The following FAR2 variants were observed in gnomAD, a reference collection of about 807,000 sequenced individuals.
FAR2 encodes fatty acyl-CoA reductase 2, also known as epididymis secretory protein Li 81.
In FAR2, 19 loss-of-function variants were observed where a neutral mutation model predicts 56.0. The observed-to-expected ratio is 0.34, with a 90% CI of 0.24 to 0.50. The LOEUF (loss-of-function observed/expected upper bound fraction) is 0.50, where lower values mean the gene tolerates loss of function less well. Ranked by LOEUF, FAR2 falls within the 20% of genes least tolerant of loss-of-function variation. FAR2 has a pLI of 0.98. For missense variants in FAR2, 508 were observed against 642.2 expected (o/e 0.79, Z 2.26); for synonymous variants, 219 against 218.8 (o/e 1.00, Z -0.01).
At chr12:29,269,038 C>A (rs1464573901) in intron 1 of FAR2, among the ~76,000 whole-genome samples, 1 of 152,140 alleles carries the variant, frequency 6.6e-6, no homozygotes, top group Admixed American at 6.5e-5. Flanking sequence ...AAGTTTCGGG[C>A]ACCATTGTCA....
At chr12:29,213,166 A>G (rs1947572933) in intron 1 of FAR2, among the ~76,000 whole-genome samples, 1 of 151,876 alleles carries the variant, frequency 6.6e-6, no homozygotes, top group Admixed American at 6.6e-5. Flanking sequence ...GCGTCTCACC[A>G]TTTCCTCCTT....
At chr12:29,332,568 T>C (rs1313735238) in intron 10 of FAR2, 32 bp from the exon 11 acceptor site, 29 of 1,612,590 alleles carry the variant, frequency 1.8e-5, no homozygotes, top group Non-Finnish European at 2.5e-5. Flanking sequence ...GCACTGCAAT[T>C]CTGGCAATCT....
At chr12:29,225,454 A>G (rs1334940558) in intron 1 of FAR2, among the ~76,000 whole-genome samples, 1 of 152,128 alleles carries the variant, frequency 6.6e-6, no homozygotes, top group Non-Finnish European at 1.5e-5. Flanking sequence ...CTATTACTAT[A>G]TTATTATTGT....
At chr12:29,192,793 A>G (rs894216680) in intron 1 of FAR2, among the ~76,000 whole-genome samples, 1 of 152,224 alleles carries the variant, frequency 6.6e-6, no homozygotes, top group Admixed American at 6.5e-5. Context: ...TTAATTGAGC[A>G]TCAGCTTTTA....
rs2136783067 is a variant in FAR2, at chr12:29,307,898, C to T, written c.723+63C>T. On this transcript the variant is annotated intron_variant, in intron 5 of 11. Coordinates refer to ENST00000536681, the MANE Select transcript of FAR2 (RefSeq NM_001271783.2). ...AACTAAGGTTCTTCTAGTCCAATTACTTTCTGATGTCTTTCTTCTTCTCCT... is the reference window on the plus strand; with the variant it reads ...AACTAAGGTTCTTCTAGTCCAATTATTTTCTGATGTCTTTCTTCTTCTCCT... The T allele has an allele frequency of 4.0e-6, 6 of 1,486,380 alleles. No homozygotes were observed. In the South Asian group the frequency reaches 5.2e-5, roughly 13 times the overall value. 92.1% of individuals were successfully genotyped at this position (1,486,380 alleles called of 1,614,324 possible). A position where few individuals can be genotyped will look rare whatever the true frequency, so the allele number is the denominator to read the frequency against.
At chr12:29,324,884 A>G (rs886750781) in intron 10 of FAR2, among the ~76,000 whole-genome samples, 4 of 152,234 alleles carry the variant, frequency 2.6e-5, no homozygotes, top group African/African-American at 7.2e-5. Flanking sequence ...GACAGGCTCA[A>G]ATTCACACAT....
chr12:29,276,397 C>T (rs1259441068), intron 2 of FAR2, among the ~76,000 whole-genome samples: 3 of 152,104 alleles, frequency 2.0e-5, no homozygotes, highest in African/African-American at 7.2e-5. Context: ...CGGTAGATCA[C>T]AAACCATGTC....
intron 1 of FAR2, among the ~76,000 whole-genome samples, chr12:29,260,668 A>G (rs868592830): frequency 6.6e-6 from 1 of 152,134 alleles, no homozygotes; most frequent in African/African-American, 2.4e-5. Flanking sequence ...AGCTCAGCCA[A>G]TGTAGAAAAG....
chr12:29,268,328 C>G (rs1026735749), intron 1 of FAR2, among the ~76,000 whole-genome samples: 6 of 152,228 alleles, frequency 3.9e-5, no homozygotes, highest in Non-Finnish European at 5.9e-5. Flanking sequence ...ATCTTCCCCA[C>G]ACCTCCAGCA....
chr12:29,252,368 C>T (rs557456579), intron 1 of FAR2, among the ~76,000 whole-genome samples: 2 of 152,218 alleles, frequency 1.3e-5, no homozygotes, highest in Admixed American at 1.3e-4. Flanking sequence ...ACCTGGAGTG[C>T]TTACTGAAGG....
chr12:29,171,238 G>A (rs1416085374), intron 1 of FAR2: 4 of 152,900 alleles, frequency 2.6e-5, no homozygotes, highest in Non-Finnish European at 5.9e-5. Flanking sequence ...CCTCAGTCCT[G>A]TTGTTGGATC....
intron 1 of FAR2, among the ~76,000 whole-genome samples, chr12:29,239,452 CTGTGTGTGTGTG>C (rs34821915): frequency 3.4e-5 from 5 of 147,834 alleles, no homozygotes; most frequent in Admixed American, 6.8e-5. Flanking sequence ...AATGAATCAA[CTGTGTGTGTGTG>C]TGTGTGTGTG....
At chr12:29,210,439 G>A (rs937832944) in intron 1 of FAR2, among the ~76,000 whole-genome samples, 2 of 152,114 alleles carry the variant, frequency 1.3e-5, no homozygotes, top group Non-Finnish European at 2.9e-5. Flanking sequence ...GGTGCATGTC[G>A]TCAGGAAGAG....
intron 10 of FAR2, among the ~76,000 whole-genome samples, chr12:29,330,224 T>G (rs1010618430): frequency 2.6e-5 from 4 of 152,184 alleles, no homozygotes; most frequent in Non-Finnish European, 5.9e-5. Context: ...GCCTGGCTAA[T>G]TTTTGTATTT....
chr12:29,331,030 T>G (rs16934135), intron 10 of FAR2, among the ~76,000 whole-genome samples: 45,679 of 152,002 alleles, frequency 0.3, 6,984 homozygotes, highest in East Asian at 0.35. Context: ...ATTTATTGAA[T>G]GTCTACTTTG....
At chr12:29,318,239 C>T (rs1949488582) in intron 9 of FAR2, among the ~76,000 whole-genome samples, 1 of 152,090 alleles carries the variant, frequency 6.6e-6, no homozygotes, top group African/African-American at 2.4e-5. Flanking sequence ...TTTTAAAGAC[C>T]TCATTTGGAG....
At chr12:29,244,618 C>T (rs968748279) in intron 1 of FAR2, among the ~76,000 whole-genome samples, 2 of 152,194 alleles carry the variant, frequency 1.3e-5, no homozygotes, top group Non-Finnish European at 2.9e-5. Context: ...TTTATTCATT[C>T]TCTTAAACAG....
At chr12:29,196,689 G>A (rs1039694820) in intron 1 of FAR2, among the ~76,000 whole-genome samples, 4 of 152,032 alleles carry the variant, frequency 2.6e-5, no homozygotes, top group Non-Finnish European at 5.9e-5. Flanking sequence ...AAAACTTCTG[G>A]ACATTGGCCT....
Position 29,247,618 on chromosome 12 carries a change from C to T in FAR2, c.-38-22794C>T, listed in dbSNP as rs147451697. ...CTTGGTTGAATAACACATTGAGATA[C>T]GGTTGTAAGAACTAGGAAACAGAAA... On this transcript the variant is annotated intron_variant, in intron 1 of 11. Coordinates refer to ENST00000536681, the MANE Select transcript of FAR2 (RefSeq NM_001271783.2). 2.4e-3 allele frequency among the ~76,000 whole-genome samples: 364 copies of T among 152,140 alleles called. 3 individuals are homozygous for T. The highest frequency in any genetic ancestry group is 8.3e-3 in the African/African-American group (343 of 41,518).
Sources: allele counts gnomAD v4.1 joint callset (sites outside exome capture counted in the v4.1 genomes callset), GRCh38; gene constraint gnomAD v4.1.1; transcripts MANE v1.5; gene names NCBI Gene and HGNC (gene_info 2026-07-23, HGNC 2026-07-21).